PPARGC1B: variants seen among roughly 807,000 people sequenced by gnomAD.
The protein encoded by PPARGC1B is peroxisome proliferator-activated receptor gamma coactivator 1-beta.
Under a neutral mutation model 101.6 loss-of-function variants are expected in PPARGC1B, and 34 were observed. That is an observed-to-expected ratio of 0.33 (90% CI 0.25 to 0.45). The LOEUF (loss-of-function observed/expected upper bound fraction) is 0.45. PPARGC1B is among the 20% of genes least tolerant of loss of function. The pLI is 1.00. For missense variants in PPARGC1B, 1,234 were observed against 1,317.6 expected (o/e 0.94, Z 0.98); for synonymous variants, 548 against 539.3 (o/e 1.02, Z -0.22).
chr5:149,775,015 G>T (rs1756299546), intron 1 of PPARGC1B, among the ~76,000 whole-genome samples: 1 of 152,162 alleles, frequency 6.6e-6, no homozygotes, highest in Non-Finnish European at 1.5e-5. Context: ...GGGGAAACTG[G>T]TTCCACAATT....
At chr5:149,846,025 C>T in intron 11 of PPARGC1B, 111 bp downstream of exon 11, 2 of 1,289,752 alleles carry the variant, frequency 1.6e-6, no homozygotes, top group South Asian at 1.2e-5. Flanking sequence ...GCTTCCATCC[C>T]CACACCCCAG....
At chr5:149,756,223 A>C (rs1755515488) in intron 1 of PPARGC1B, among the ~76,000 whole-genome samples, 1 of 152,156 alleles carries the variant, frequency 6.6e-6, no homozygotes, top group Non-Finnish European at 1.5e-5. Flanking sequence ...GCACTTTGAG[A>C]GGCCGGGACG....
chr5:149,768,002 A>T (rs1755980291), intron 1 of PPARGC1B, among the ~76,000 whole-genome samples: 1 of 151,900 alleles, frequency 6.6e-6, no homozygotes, highest in African/African-American at 2.4e-5. Flanking sequence ...TCCTGCAACT[A>T]GATGGTCCCA....
chr5:149,842,197 G>C, intron 9 of PPARGC1B, 59 bp from the exon 10 acceptor site: 3 of 1,597,052 alleles, frequency 1.9e-6, no homozygotes, highest in Non-Finnish European at 2.6e-6. Flanking sequence ...CCCACTCCCA[G>C]AGGGGCCCCA....
intron 1 of PPARGC1B, among the ~76,000 whole-genome samples, chr5:149,732,075 T>TGC (rs892008938): frequency 3.3e-5 from 4 of 121,102 alleles, no homozygotes; most frequent in African/African-American, 1.2e-4. Flanking sequence ...TGTGTGTGTG[T>TGC]GTGCACACGC....
intron 1 of PPARGC1B, among the ~76,000 whole-genome samples, chr5:149,819,920 T>G (rs1383534537): frequency 2.0e-5 from 3 of 152,268 alleles, no homozygotes; most frequent in Admixed American, 2.0e-4. Context: ...TTACATCATA[T>G]ATGTAATTTT....
downstream of PPARGC1B, among the ~76,000 whole-genome samples, chr5:149,856,289 AAGG>A (rs1759948585): frequency 6.6e-6 from 1 of 152,210 alleles, no homozygotes; most frequent in Non-Finnish European, 1.5e-5. Context: ...CTTTGATTGC[AAGG>A]GAACACATCA....
At chr5:149,757,620 C>T (rs1755580040) in intron 1 of PPARGC1B, among the ~76,000 whole-genome samples, 1 of 152,216 alleles carries the variant, frequency 6.6e-6, no homozygotes, top group Non-Finnish European at 1.5e-5. Flanking sequence ...TCAGCGTCTG[C>T]AGCCACCATC....
intron 1 of PPARGC1B, among the ~76,000 whole-genome samples, chr5:149,802,123 T>A (rs1450486305): frequency 2.0e-5 from 3 of 152,196 alleles, no homozygotes; most frequent in Admixed American, 2.0e-4. Context: ...TTGACCCTTC[T>A]CAGGACTTGG....
chr5:149,842,258 G>A lies in PPARGC1B; in HGVS notation c.2697G>A (p.Gly899=), dbSNP rs1759376478. The change falls in exon 10 of 12, where the codon GGG becomes GGA. Residue 899 remains glycine (G), a splice_region_variant and synonymous_variant. Transcript: ENST00000309241. Reference sequence around the variant, plus strand: ...TCTCTGTCCTCCTTCTTGGGCAGGGGGAAGGCCGCGTGGTGTACATTCAAA... The same window carrying A: ...TCTCTGTCCTCCTTCTTGGGCAGGGAGAAGGCCGCGTGGTGTACATTCAAA... ...HARKRREKAI[G]EGRVVYIQNL... is the part of the protein sequence containing the mutation. The A allele has an allele frequency of 6.2e-7, 1 of 1,612,982 alleles. No homozygotes were observed. Among genetic ancestry groups the A allele is most frequent in the African/African-American group, 1.3e-5 (1 of 74,884 alleles).
intron 1 of PPARGC1B, among the ~76,000 whole-genome samples, chr5:149,818,175 T>C (rs944721615): frequency 2.0e-5 from 3 of 152,254 alleles, no homozygotes; most frequent in Non-Finnish European, 4.4e-5. Context: ...AGGAAGCACC[T>C]GTGTCCCTCT....
At chr5:149,785,466 G>A (rs73265642) in intron 1 of PPARGC1B, among the ~76,000 whole-genome samples, 1 of 152,192 alleles carries the variant, frequency 6.6e-6, no homozygotes, top group African/African-American at 2.4e-5. Flanking sequence ...ACAATAAAAG[G>A]CACCACCCTC....
rs1758166492 is a variant in PPARGC1B at position 149,818,997 on chromosome 5, C to T, written c.79-1436C>T. 3 of 404,572 alleles carry T rather than the reference C, an allele frequency of 7.4e-6. No homozygotes were observed. The East Asian group carries it at 2.2e-4, about 30-fold the overall frequency. The allele number at this position is 404,572 out of a possible 1,614,324, so 25.1% of individuals were successfully genotyped here. A position where few individuals can be genotyped will look rare whatever the true frequency, so the allele number is the denominator to read the frequency against. On this transcript the variant is annotated intron_variant, in intron 1 of 11. Coordinates refer to ENST00000309241, the MANE Select transcript of PPARGC1B (RefSeq NM_133263.4). ...CCATTCTGTTTCTGTGTCAGCCCCCCAACTCAGGCTATTTCTGAATCTGTA... is the reference window on the plus strand; with the variant it reads ...CCATTCTGTTTCTGTGTCAGCCCCCTAACTCAGGCTATTTCTGAATCTGTA...
intron 1 of PPARGC1B, among the ~76,000 whole-genome samples, chr5:149,772,951 C>T (rs1756198239): frequency 6.6e-6 from 1 of 152,164 alleles, no homozygotes; most frequent in South Asian, 2.1e-4. Context: ...GTACTGTGAA[C>T]ATACCTGGTG....
At position 149,832,735 on chromosome 5, in the gene PPARGC1B, C is replaced by T. The variant is rs139476696; in HGVS notation, c.662C>T (p.Thr221Ile). Residue 221 changes from threonine to isoleucine, a missense_variant, in exon 5 of 12, where the codon ACC (threonine) becomes ATC (isoleucine). Coordinates refer to ENST00000309241, the MANE Select transcript of PPARGC1B (RefSeq NM_133263.4). The surrounding 1 kb of genome is among the most constrained non-coding windows in gnomAD (Gnocchi z 4.9). Reference protein sequence around the residue: ...RSCTELHKHLTSAQCCLQDRG... With the variant: ...RSCTELHKHLISAQCCLQDRG... Reference sequence around the variant, plus strand: ...TGTACAGAACTACATAAGCACCTCACCTCGGCACAGTGCTGCCTGCAGGAT... The same window carrying T: ...TGTACAGAACTACATAAGCACCTCATCTCGGCACAGTGCTGCCTGCAGGAT... The T allele has an allele frequency of 2.5e-6, 4 of 1,609,106 alleles. No homozygotes were observed. Among genetic ancestry groups the T allele is most frequent in the African/African-American group, 1.3e-5 (1 of 74,894 alleles).
intron 1 of PPARGC1B, among the ~76,000 whole-genome samples, chr5:149,762,974 A>G (rs560002718): frequency 1.9e-4 from 29 of 152,102 alleles, no homozygotes; most frequent in African/African-American, 7.0e-4. Flanking sequence ...TTTTGTAGAG[A>G]TGGGGGTCTC....
chr5:149,779,810 C>T (rs575637059), intron 1 of PPARGC1B, among the ~76,000 whole-genome samples: 3 of 152,282 alleles, frequency 2.0e-5, no homozygotes, highest in African/African-American at 4.8e-5. Flanking sequence ...TGCCTTCCCA[C>T]GACACTGTGT....
In PPARGC1B at chr5:149,849,354, GT is replaced by G. The variant is rs1180210141; in HGVS notation, c.*1798del. 1.3e-5 allele frequency: 2 copies of G among 152,222 alleles called. No individual in the cohort carries two copies. The highest frequency in any genetic ancestry group is 2.9e-5 in the Non-Finnish European group (2 of 68,048). The allele number at this position is 152,222 out of a possible 1,614,324, so 9.4% of individuals were successfully genotyped here. The stretch of plus-strand genomic sequence containing the variant: ...ATTTGAACTGTTGTGTGTCACAGCA[GT>G]TGACCTCTCTGGACTCCAATTTCCT... On this transcript the variant is annotated 3_prime_UTR_variant, in exon 12 of 12. Transcript: ENST00000309241.
intron 1 of PPARGC1B, among the ~76,000 whole-genome samples, chr5:149,793,774 A>G (rs558715715): frequency 6.6e-6 from 1 of 152,292 alleles, no homozygotes; most frequent in African/African-American, 2.4e-5. Flanking sequence ...CTGAGACCCT[A>G]AAAACCAACG....
Sources: gnomAD v4.1 joint callset for allele counts (sites outside exome capture counted in the v4.1 genomes callset) on GRCh38, gnomAD v4.1.1 for gene constraint, Gnocchi (gnomAD v3.1) non-coding constraint, MANE v1.5 for transcripts, NCBI Gene and HGNC (gene_info 2026-07-23, HGNC 2026-07-21) for gene names.